The following AP2B1 variants were observed in gnomAD, a reference collection of about 807,000 sequenced individuals.
AP2B1 encodes the protein AP-2 complex subunit beta.
Under a neutral mutation model 102.0 loss-of-function variants are expected in AP2B1, and 23 were observed. The ratio of observed to expected loss-of-function variants is 0.23; its 90% CI spans 0.16 to 0.32. The LOEUF is 0.32. AP2B1 is among the 10% of genes least tolerant of loss of function. AP2B1 has a pLI of 1.00. For synonymous variants in AP2B1, 381 were observed against 421.2 expected (o/e 0.90, Z 1.17); for missense variants, 541 against 1,157.4 (o/e 0.47, Z 7.73).
chr17:35,692,944 G>A (rs1433927199), intron 18 of AP2B1, among the ~76,000 whole-genome samples: 1 of 148,860 alleles, frequency 6.7e-6, no homozygotes, highest in Admixed American at 6.8e-5. Flanking sequence ...GACCCATTCT[G>A]TCTTCATAAA....
At chr17:35,662,183 G>C (rs527284535) in intron 14 of AP2B1, among the ~76,000 whole-genome samples, 1 of 152,124 alleles carries the variant, frequency 6.6e-6, no homozygotes, top group Non-Finnish European at 1.5e-5. Context: ...TTTAAAGAAA[G>C]CAGACATCTT....
intron 16 of AP2B1, 77 bp from the exon 17 acceptor site, chr17:35,674,099 G>A: frequency 1.4e-6 from 2 of 1,421,846 alleles, no homozygotes; most frequent in South Asian, 1.4e-5. Flanking sequence ...ATCTTAATTT[G>A]TTTTTTATTT....
intron 18 of AP2B1, among the ~76,000 whole-genome samples, chr17:35,696,049 GGCAAA>G (rs1237271828): frequency 5.9e-5 from 9 of 152,064 alleles, no homozygotes; most frequent in African/African-American, 1.9e-4. Context: ...AAGCAGAAAA[GGCAAA>G]ATCCTACCAA....
At chr17:35,629,141 G>T (rs9904957) in intron 9 of AP2B1, among the ~76,000 whole-genome samples, 8,540 of 152,078 alleles carry the variant, frequency 0.056, 392 homozygotes, top group East Asian at 0.14. Context: ...TAGAGACGAG[G>T]TTCGCCATGT....
intron 10 of AP2B1, among the ~76,000 whole-genome samples, chr17:35,638,789 GAAAAAAA>G (rs11286699): frequency 1.4e-4 from 15 of 110,546 alleles, no homozygotes; most frequent in African/African-American, 4.6e-4. Flanking sequence ...ACTCCGTCTT[GAAAAAAA>G]AAAAAAAAAA....
chr17:35,689,836 AG>A (rs1479285291), intron 18 of AP2B1, among the ~76,000 whole-genome samples: 1 of 152,132 alleles, frequency 6.6e-6, no homozygotes, highest in African/African-American at 2.4e-5. Flanking sequence ...TACTTTAGAA[AG>A]TTCTGTTGGC....
At chr17:35,616,004 C>G (rs1303867905) in intron 5 of AP2B1, among the ~76,000 whole-genome samples, 1 of 152,092 alleles carries the variant, frequency 6.6e-6, no homozygotes, top group Admixed American at 6.6e-5. Flanking sequence ...ATTTCTGTCT[C>G]TACTTATAGA....
chr17:35,640,108 G>A (rs1377425180), intron 11 of AP2B1, among the ~76,000 whole-genome samples: 1 of 152,020 alleles, frequency 6.6e-6, no homozygotes, highest in Non-Finnish European at 1.5e-5. Flanking sequence ...GTGGAGACAG[G>A]GTTTCACCAT....
At chr17:35,601,778 C>CT (rs202210134) in intron 3 of AP2B1, among the ~76,000 whole-genome samples, 10,027 of 140,026 alleles carry the variant, frequency 0.072, 567 homozygotes, top group East Asian at 0.14. Context: ...TGTCATAACT[C>CT]TTTTTTTTTT....
chr17:35,711,346 C>T (rs1401101700), intron 20 of AP2B1, among the ~76,000 whole-genome samples: 1 of 151,916 alleles, frequency 6.6e-6, no homozygotes, highest in Non-Finnish European at 1.5e-5. Context: ...CAGCACATTG[C>T]CATCCTCCCA....
chr17:35,676,645 T>C (rs577502690), intron 17 of AP2B1, among the ~76,000 whole-genome samples: 1 of 152,322 alleles, frequency 6.6e-6, no homozygotes, highest in South Asian at 2.1e-4. Context: ...TATTGCTAGG[T>C]TATATGGTAA....
At chr17:35,605,970 G>GC in intron 4 of AP2B1, 130 bp downstream of exon 4, 1 of 1,413,096 alleles carries the variant, frequency 7.1e-7, no homozygotes, top group South Asian at 1.5e-5. Context: ...CTGTATACCA[G>GC]TGTGTGTCAT....
At chr17:35,600,551 A>G (rs919683225) in intron 3 of AP2B1, among the ~76,000 whole-genome samples, 3 of 152,222 alleles carry the variant, frequency 2.0e-5, no homozygotes, top group Admixed American at 6.5e-5. Context: ...AACATTCTAC[A>G]AAAGGTTGAA....
At chr17:35,632,088 A>AT (rs11432512) in intron 9 of AP2B1, among the ~76,000 whole-genome samples, 96,659 of 145,710 alleles carry the variant, frequency 0.66, 31,655 homozygotes, top group Non-Finnish European at 0.68. Flanking sequence ...AAAATTCACT[A>AT]TTTTTTTTTT....
At position 35,691,814 on chromosome 17, in the gene AP2B1, A is replaced by G. The variant is rs587743974; in HGVS notation, c.2454+8990A>G. On this transcript the variant is annotated intron_variant, in intron 18 of 21. Coordinates refer to ENST00000610402, the MANE Select transcript of AP2B1 (RefSeq NM_001030006.2). ...AAACATTTTGCTGTCAAAAAATAAA[A>G]TAGAAAATTACTTACTGTGATTGCT... 9.8e-5 allele frequency among the ~76,000 whole-genome samples: 15 copies of G among 152,346 alleles called. No individual in the cohort carries two copies. In the South Asian group the frequency reaches 3.1e-3, roughly 32 times the overall value.
At chr17:35,608,993 T>C (rs187716870) in intron 5 of AP2B1, among the ~76,000 whole-genome samples, 1 of 152,316 alleles carries the variant, frequency 6.6e-6, no homozygotes, top group Admixed American at 6.5e-5. Flanking sequence ...CTAAAGCTCA[T>C]TTGAATTGGG....
At chr17:35,599,610 A>G (rs1298749210) in intron 3 of AP2B1, among the ~76,000 whole-genome samples, 1 of 152,208 alleles carries the variant, frequency 6.6e-6, no homozygotes, top group Non-Finnish European at 1.5e-5. Context: ...TCTATTCGAA[A>G]TAAAGTGTGG....
intron 19 of AP2B1, among the ~76,000 whole-genome samples, chr17:35,709,747 C>T (rs1264734050): frequency 6.6e-6 from 1 of 152,172 alleles, no homozygotes; most frequent in African/African-American, 2.4e-5. Context: ...CATACTGCCT[C>T]AAGCTAAGAA....
At chr17:35,707,359 GCCAGGATGGTC>G in intron 18 of AP2B1, among the ~76,000 whole-genome samples, 1 of 151,946 alleles carries the variant, frequency 6.6e-6, no homozygotes, top group East Asian at 1.9e-4. Flanking sequence ...CACCATGTTG[GCCAGGATGGTC>G]TCGGTCTCCT....
Sources: gnomAD v4.1 joint callset for allele counts (sites outside exome capture counted in the v4.1 genomes callset) on GRCh38, gnomAD v4.1.1 for gene constraint, MANE v1.5 for transcripts, NCBI Gene and HGNC (gene_info 2026-07-23, HGNC 2026-07-21) for gene names.